The following SGCZ variants were observed in gnomAD, a reference collection of about 807,000 sequenced individuals.
SGCZ encodes zeta-sarcoglycan.
A neutral mutation model predicts 41.3 loss-of-function variants in SGCZ; 40 were observed. The observed-to-expected ratio is 0.97, with a 90% CI of 0.75 to 1.26. The LOEUF is 1.26. SGCZ is among the 50% of genes most tolerant of loss of function. The pLI, the probability that SGCZ is intolerant of heterozygous loss-of-function variation, is 0.00. For synonymous variants in SGCZ, 206 were observed against 137.5 expected (o/e 1.50, Z -3.49); for missense variants, 552 against 369.8 (o/e 1.49, Z -4.04).
chr8:14,468,447 T>G (rs979745356), intron 2 of SGCZ, among the ~76,000 whole-genome samples: 2 of 152,110 alleles, frequency 1.3e-5, no homozygotes, highest in African/African-American at 4.8e-5. Flanking sequence ...ACTCTCAAAA[T>G]TTTTATTCAA....
intron 2 of SGCZ, 121 bp from the exon 3 acceptor site, chr8:14,324,325 T>C (rs1472319340): frequency 4.2e-6 from 3 of 717,774 alleles, no homozygotes; most frequent in African/African-American, 3.6e-5. Context: ...TTAAGGAAAA[T>C]GAGAGATTGA....
rs1238173325 is a variant in SGCZ at position 15,156,733 on chromosome 8, CAGG to C, written c.39+80849_39+80851del. On this transcript the variant is annotated intron_variant, in intron 1 of 7. Coordinates refer to ENST00000382080, the MANE Select transcript of SGCZ (RefSeq NM_139167.4). ...CCAAGGCAGACGGATCACCTGAGGT[CAGG>C]AGTTCAAGACCAGCCTGGCCAACAT... Among the ~76,000 whole-genome samples the C allele has an allele frequency of 5.9e-5, 9 of 152,160 alleles. No homozygotes were observed. In the East Asian group the frequency reaches 1.6e-3, roughly 26 times the overall value.
At chr8:15,200,363 A>C (rs1800852736) in intron 1 of SGCZ, among the ~76,000 whole-genome samples, 1 of 152,176 alleles carries the variant, frequency 6.6e-6, no homozygotes, top group Non-Finnish European at 1.5e-5. Flanking sequence ...GGGGTTTTCC[A>C]TCATGTTCCA....
At chr8:15,193,903 C>T (rs894527549) in intron 1 of SGCZ, among the ~76,000 whole-genome samples, 1 of 152,058 alleles carries the variant, frequency 6.6e-6, no homozygotes, top group Non-Finnish European at 1.5e-5. Context: ...GAGCAATTGC[C>T]TTCAAATCAC....
intron 1 of SGCZ, among the ~76,000 whole-genome samples, chr8:15,182,814 T>C (rs971669238): frequency 6.6e-6 from 1 of 152,268 alleles, no homozygotes; most frequent in Non-Finnish European, 1.5e-5. Context: ...TTATCAAGGT[T>C]ATAATTTTTT....
chr8:14,278,370 C>T (rs371706505), intron 3 of SGCZ, among the ~76,000 whole-genome samples: 12 of 151,976 alleles, frequency 7.9e-5, no homozygotes, highest in South Asian at 6.2e-4. Context: ...ATTTTAAAAC[C>T]GTGTATAGTC....
At chr8:14,681,265 A>G (rs1001425989) in intron 1 of SGCZ, among the ~76,000 whole-genome samples, 1 of 152,166 alleles carries the variant, frequency 6.6e-6, no homozygotes, top group Non-Finnish European at 1.5e-5. Flanking sequence ...GATGAACACA[A>G]TTAGGAATTA....
intron 2 of SGCZ, among the ~76,000 whole-genome samples, chr8:14,394,525 C>G (rs1190162730): frequency 6.6e-6 from 1 of 152,134 alleles, no homozygotes; most frequent in African/African-American, 2.4e-5. Flanking sequence ...ACATGTACAT[C>G]TTGAGACAAA....
chr8:14,433,306 G>A (rs1799998333), intron 2 of SGCZ, among the ~76,000 whole-genome samples: 1 of 152,144 alleles, frequency 6.6e-6, no homozygotes, highest in African/African-American at 2.4e-5. Flanking sequence ...TTTAACACCT[G>A]TAGTGATTAA....
intron 1 of SGCZ, among the ~76,000 whole-genome samples, chr8:14,683,115 C>T (rs1164361023): frequency 6.6e-6 from 1 of 152,156 alleles, no homozygotes; most frequent in Non-Finnish European, 1.5e-5. Context: ...CTGACAAGAA[C>T]ACTTCAAGTA....
chr8:15,185,054 T>C (rs1228367172), intron 1 of SGCZ, among the ~76,000 whole-genome samples: 1 of 152,198 alleles, frequency 6.6e-6, no homozygotes, highest in Non-Finnish European at 1.5e-5. Flanking sequence ...ATCACCCTGC[T>C]ACATACAAGG....
chr8:14,471,388 G>A (rs1414325231), intron 2 of SGCZ, among the ~76,000 whole-genome samples: 1 of 151,998 alleles, frequency 6.6e-6, no homozygotes, highest in Non-Finnish European at 1.5e-5. Flanking sequence ...TTAAACACCT[G>A]TAATATGTAT....
rs189483997 is a variant in SGCZ at position 14,954,382 on chromosome 8, T to C, written c.39+283203A>G. On this transcript the variant is annotated intron_variant, in intron 1 of 7. Coordinates refer to ENST00000382080, the MANE Select transcript of SGCZ (RefSeq NM_139167.4). ...CTGCCTTCACATCCACCTTCAATCA[T>C]TGAAGGTTGTCTTCAATGATTTCCT... 1.4e-4 allele frequency among the ~76,000 whole-genome samples: 22 copies of C among 152,296 alleles called. 1 individual carries two copies. The highest frequency in any genetic ancestry group is 1.4e-3 in the Admixed American group (21 of 15,298).
intron 1 of SGCZ, among the ~76,000 whole-genome samples, chr8:14,697,983 G>A (rs757679157): frequency 1.3e-5 from 2 of 151,318 alleles, no homozygotes; most frequent in South Asian, 2.1e-4. Context: ...TTTGTTGAAC[G>A]TTTAGTCTGC....
At chr8:14,563,518 G>C (rs1370747637) in intron 1 of SGCZ, among the ~76,000 whole-genome samples, 1 of 152,132 alleles carries the variant, frequency 6.6e-6, no homozygotes, top group Non-Finnish European at 1.5e-5. Context: ...AGAATGCCTT[G>C]TTTTATTTTC....
At chr8:14,397,820 C>T (rs1276516366) in intron 2 of SGCZ, among the ~76,000 whole-genome samples, 6 of 152,064 alleles carry the variant, frequency 3.9e-5, no homozygotes, top group Non-Finnish European at 5.9e-5. Flanking sequence ...GAAGGTCTTC[C>T]ACAAGGTGCT....
intron 1 of SGCZ, among the ~76,000 whole-genome samples, chr8:14,842,086 A>T (rs895157912): frequency 2.6e-5 from 4 of 152,184 alleles, no homozygotes; most frequent in African/African-American, 9.6e-5. Flanking sequence ...ACGATGATAA[A>T]ACAAAACAGA....
At chr8:14,408,981 G>A (rs559969874) in intron 2 of SGCZ, among the ~76,000 whole-genome samples, 8 of 49,276 alleles carry the variant, frequency 1.6e-4, no homozygotes, top group Admixed American at 8.5e-4. Flanking sequence ...GCATGTGTGC[G>A]TGTGTGTGTG....
At chr8:15,058,797 T>C (rs756383890) in intron 1 of SGCZ, among the ~76,000 whole-genome samples, 1 of 152,202 alleles carries the variant, frequency 6.6e-6, no homozygotes, top group Non-Finnish European at 1.5e-5. Flanking sequence ...GGTTATAGGA[T>C]ATGTTACATT....
Sources: allele counts gnomAD v4.1 joint callset (sites outside exome capture counted in the v4.1 genomes callset), GRCh38; gene constraint gnomAD v4.1.1; transcripts MANE v1.5; gene names NCBI Gene and HGNC (gene_info 2026-07-23, HGNC 2026-07-21).